REEP1: variants seen among roughly 807,000 people sequenced by gnomAD.
REEP1 encodes receptor expression-enhancing protein 1.
In REEP1, 22 loss-of-function variants were observed where a neutral mutation model predicts 40.3. The ratio of observed to expected loss-of-function variants is 0.55; its 90% CI spans 0.39 to 0.78. The LOEUF is 0.78. Among genes scored for constraint, REEP1 ranks in the 30% least tolerant of loss-of-function variants. The pLI is 0.00. For synonymous variants in REEP1, 116 were observed against 139.2 expected (o/e 0.83, Z 1.17); for missense variants, 280 against 361.1 (o/e 0.78, Z 1.82).
At chr2:86,295,174 G>A (rs1678918566) in intron 1 of REEP1, among the ~76,000 whole-genome samples, 1 of 152,254 alleles carries the variant, frequency 6.6e-6, no homozygotes, top group Non-Finnish European at 1.5e-5. Context: ...GGGAACAAAT[G>A]CAGCTCGCAG....
intron 1 of REEP1, among the ~76,000 whole-genome samples, chr2:86,296,726 A>C (rs1408130360): frequency 1.3e-5 from 2 of 152,126 alleles, no homozygotes; most frequent in African/African-American, 2.4e-5. Context: ...GAGTGATGGC[A>C]GGCACCTGTA....
At chr2:86,266,710 A>C (rs1008981351) in intron 2 of REEP1, among the ~76,000 whole-genome samples, 9 of 151,110 alleles carry the variant, frequency 6.0e-5, no homozygotes, top group South Asian at 2.1e-4. Flanking sequence ...CACACACACA[A>C]AAAAACAAAC....
In REEP1 at chr2:86,225,735, CA is replaced by C. The variant is rs561771595; in HGVS notation, c.631+1627del. On this transcript the variant is annotated intron_variant, in intron 7 of 8. Transcript: ENST00000538924. ...TGCCTCCGCGGCACCAGGGCTGGAG[CA>C]AAAGCTATATTAGGCACCTTGCGTG... Among the ~76,000 whole-genome samples the C allele has an allele frequency of 3.2e-3, 487 of 152,346 alleles. 4 individuals carry two copies. The highest frequency in any genetic ancestry group is 5.5e-3 in the Non-Finnish European group (373 of 68,028).
intron 3 of REEP1, among the ~76,000 whole-genome samples, chr2:86,263,428 G>T (rs1031627260): frequency 6.6e-6 from 1 of 152,080 alleles, no homozygotes; most frequent in Non-Finnish European, 1.5e-5. Flanking sequence ...TAGCAGAGAT[G>T]GGGTTTCGCC....
chr2:86,310,650 C>T (rs769435045), intron 1 of REEP1, among the ~76,000 whole-genome samples: 6 of 152,146 alleles, frequency 3.9e-5, no homozygotes, highest in Non-Finnish European at 5.9e-5. Flanking sequence ...TTCAACCTTT[C>T]TAATCTTTCC....
At chr2:86,303,067 G>A (rs546664855) in intron 1 of REEP1, among the ~76,000 whole-genome samples, 1 of 152,194 alleles carries the variant, frequency 6.6e-6, no homozygotes, top group African/African-American at 2.4e-5. Context: ...TTTAGAAATG[G>A]GGTCTTGCTC....
At chr2:86,226,929 G>A (rs896863597) in intron 7 of REEP1, among the ~76,000 whole-genome samples, 5 of 152,106 alleles carry the variant, frequency 3.3e-5, no homozygotes, top group African/African-American at 1.2e-4. Context: ...TCAAAACCTA[G>A]GACAGAAAAG....
chr2:86,322,606 A>T (rs183340538), intron 1 of REEP1, among the ~76,000 whole-genome samples: 3 of 151,974 alleles, frequency 2.0e-5, no homozygotes. Context: ...GTGTGCCACC[A>T]TGCCTGGCTA....
At chr2:86,300,089 T>C (rs1002810295) in intron 1 of REEP1, among the ~76,000 whole-genome samples, 3 of 152,224 alleles carry the variant, frequency 2.0e-5, no homozygotes, top group African/African-American at 7.2e-5. Context: ...AATGCTGTTC[T>C]GGACTGTTTG....
chr2:86,289,319 A>C (rs1405258362), intron 1 of REEP1, among the ~76,000 whole-genome samples: 3 of 152,224 alleles, frequency 2.0e-5, no homozygotes, highest in Non-Finnish European at 2.9e-5. Flanking sequence ...CGTCATACAT[A>C]AAGTTTCCAA....
At chr2:86,241,483 G>A (rs1240877967) in intron 5 of REEP1, among the ~76,000 whole-genome samples, 1 of 152,210 alleles carries the variant, frequency 6.6e-6, no homozygotes, top group Non-Finnish European at 1.5e-5. Context: ...CAGAAGAGCA[G>A]TACCCTGGGG....
rs201090442 is a variant in REEP1 at position 86,270,170 on chromosome 2, CTTTTGTTTGTTTGTTTGTTT to C, written c.106-6149_106-6130del. Among the ~76,000 whole-genome samples, 3 of 139,106 alleles carry C rather than the reference CTTTTGTTTGTTTGTTTGTTT, an allele frequency of 2.2e-5. No individual in the cohort carries two copies. The East Asian group carries it at 6.2e-4, about 29-fold the overall frequency. The allele number at this position is 139,106 out of a possible 152,430, so 91.3% of individuals were successfully genotyped here. On this transcript the variant is annotated intron_variant, in intron 2 of 8. Coordinates refer to ENST00000538924, the MANE Select transcript of REEP1 (RefSeq NM_001371279.1). ...AAAGGATGCGTTCAGTATCATTTTT[CTTTTGTTTGTTTGTTTGTTT>C]GTTTGTTTGTTTGTTTGTTTGTTGA...
intron 1 of REEP1, among the ~76,000 whole-genome samples, chr2:86,307,558 T>C (rs535014327): frequency 6.6e-6 from 1 of 152,076 alleles, no homozygotes; most frequent in Non-Finnish European, 1.5e-5. Flanking sequence ...AGCCCAAACG[T>C]TTGAGACCCG....
chr2:86,266,774 G>A (rs58996019), intron 2 of REEP1, among the ~76,000 whole-genome samples: 4 of 151,640 alleles, frequency 2.6e-5, no homozygotes, highest in African/African-American at 7.2e-5. Flanking sequence ...TTGGGAGGCC[G>A]AGGTGGGTGG....
intron 2 of REEP1, among the ~76,000 whole-genome samples, chr2:86,276,147 G>A (rs896573547): frequency 6.6e-6 from 1 of 152,140 alleles, no homozygotes; most frequent in Non-Finnish European, 1.5e-5. Flanking sequence ...TCAGCAATGT[G>A]GAATCCCTCT....
At chr2:86,284,816 A>G (rs150962448) in intron 1 of REEP1, among the ~76,000 whole-genome samples, 1 of 152,316 alleles carries the variant, frequency 6.6e-6, no homozygotes, top group Non-Finnish European at 1.5e-5. Context: ...GGCCTGTGCT[A>G]GGTCAGCTGG....
intron 5 of REEP1, among the ~76,000 whole-genome samples, chr2:86,248,174 C>T (rs2104194331): frequency 6.6e-6 from 1 of 152,312 alleles, no homozygotes; most frequent in South Asian, 2.1e-4. Context: ...GTATCCTGGC[C>T]TGTAATTCCA....
At chr2:86,223,609 CAG>C (rs1674537451) in intron 7 of REEP1, 1 of 152,394 alleles carries the variant, frequency 6.6e-6, no homozygotes, top group Admixed American at 6.5e-5. Context: ...CACTCACACA[CAG>C]ACACACTCAC....
chr2:86,327,138 C>T (rs1680545548), intron 1 of REEP1, among the ~76,000 whole-genome samples: 1 of 152,190 alleles, frequency 6.6e-6, no homozygotes, highest in African/African-American at 2.4e-5. Flanking sequence ...ACTGTTTTAA[C>T]CTAGTCATTG....
Sources: allele counts gnomAD v4.1 joint callset (sites outside exome capture counted in the v4.1 genomes callset), GRCh38; gene constraint gnomAD v4.1.1; transcripts MANE v1.5; gene names NCBI Gene and HGNC (gene_info 2026-07-23, HGNC 2026-07-21).